SATB2: variants seen among roughly 807,000 people sequenced by gnomAD.
SATB2 encodes the protein DNA-binding protein SATB2.
SATB2 carries 1 observed loss-of-function variant against 73.4 expected under a neutral mutation model. The ratio of observed to expected loss-of-function variants is 0.01; its 90% confidence interval spans 0.00 to 0.06. SATB2 has a LOEUF of 0.06. Among genes scored for constraint, SATB2 ranks in the 10% least tolerant of loss-of-function variants. The pLI, the probability that SATB2 is intolerant of heterozygous loss-of-function variation, is 1.00. For missense variants in SATB2, 459 were observed against 945.8 expected (o/e 0.49, Z 6.75); for synonymous variants, 397 against 367.0 (o/e 1.08, Z -0.93).
intron 8 of SATB2, among the ~76,000 whole-genome samples, chr2:199,328,143 C>G (rs1284181323): frequency 6.6e-6 from 1 of 152,156 alleles, no homozygotes; most frequent in Non-Finnish European, 1.5e-5. Context: ...CCTCACCTAC[C>G]ACGTATGGAA....
chr2:199,362,570 T>G (rs1289287129), intron 6 of SATB2, among the ~76,000 whole-genome samples: 4 of 152,170 alleles, frequency 2.6e-5, no homozygotes, highest in African/African-American at 9.7e-5. Context: ...AATTATGGCC[T>G]GTAGCAGAAG....
At chr2:199,451,592 T>G (rs1362562758) in intron 2 of SATB2, among the ~76,000 whole-genome samples, 1 of 152,102 alleles carries the variant, frequency 6.6e-6, no homozygotes, top group Non-Finnish European at 1.5e-5. Context: ...TATTTCTAAG[T>G]ATTTTATAAT....
intron 3 of SATB2, among the ~76,000 whole-genome samples, chr2:199,411,368 C>G (rs1317642469): frequency 6.6e-6 from 1 of 152,132 alleles, no homozygotes; most frequent in African/African-American, 2.4e-5. Context: ...TATCTACCTT[C>G]AAACAAGAAG....
chr2:199,272,652 A>G lies in SATB2; in HGVS notation c.1761T>C (p.Ser587=), dbSNP rs752279524. 27 of 1,614,014 alleles carry G rather than the reference A, an allele frequency of 1.7e-5. No homozygotes were observed. Among genetic ancestry groups the G allele is most frequent in the Non-Finnish European group, 2.3e-5 (27 of 1,180,016 alleles). ...EPVQVLHRQQ[S]QPAKESSPPR... Reference sequence around the variant, plus strand: ...GAGGGGAACTCTCCTTGGCTGGCTGAGACTGCTGTCTATGAAGTACCTGAT... The same window carrying G: ...GAGGGGAACTCTCCTTGGCTGGCTGGGACTGCTGTCTATGAAGTACCTGAT... Residue 587 remains serine, a synonymous_variant, in exon 11 of 11, where the codon TCT becomes TCC. Transcript: ENST00000417098. This position sits in a 1 kb window ranked among gnomAD's most constrained non-coding sequence, Gnocchi z 6.7.
At chr2:199,313,236 A>T (rs1190661259) in intron 9 of SATB2, among the ~76,000 whole-genome samples, 2 of 152,192 alleles carry the variant, frequency 1.3e-5, no homozygotes, top group African/African-American at 2.4e-5. Flanking sequence ...GTTTGGCAAC[A>T]TTTTTGTGAG....
chr2:199,346,566 G>A (rs184056322), intron 7 of SATB2, among the ~76,000 whole-genome samples: 4 of 152,184 alleles, frequency 2.6e-5, no homozygotes, highest in Admixed American at 6.5e-5. Context: ...ACACACTTTC[G>A]AATAAAGAGA....
At chr2:199,402,740 C>T (rs1574594007) in intron 3 of SATB2, among the ~76,000 whole-genome samples, 2 of 152,156 alleles carry the variant, frequency 1.3e-5, no homozygotes, top group African/African-American at 2.4e-5. Context: ...ATACATTATA[C>T]ATTACTTACA....
At chr2:199,289,570 G>A (rs533153553) in intron 10 of SATB2, among the ~76,000 whole-genome samples, 1 of 152,290 alleles carries the variant, frequency 6.6e-6, no homozygotes, top group South Asian at 2.1e-4. Flanking sequence ...ACCCTGTGTA[G>A]GTCGTCTTCA....
At chr2:199,321,277 G>A (rs1263114179) in intron 9 of SATB2, among the ~76,000 whole-genome samples, 2 of 151,610 alleles carry the variant, frequency 1.3e-5, no homozygotes, top group Non-Finnish European at 2.9e-5. Context: ...TAAGGTGTAT[G>A]TATGTGTATG....
chr2:199,299,630 A>AT (rs1384171129), intron 10 of SATB2, among the ~76,000 whole-genome samples: 1 of 95,198 alleles, frequency 1.1e-5, no homozygotes, highest in Non-Finnish European at 3.0e-5. Flanking sequence ...TACATGTGAA[A>AT]TTTTGTTTTT....
At chr2:199,341,746 T>G (rs1326800182) in intron 7 of SATB2, among the ~76,000 whole-genome samples, 1 of 152,200 alleles carries the variant, frequency 6.6e-6, no homozygotes, top group African/African-American at 2.4e-5. Context: ...TAGGTTTTAC[T>G]CAAACTACTA....
upstream of SATB2, among the ~76,000 whole-genome samples, chr2:199,461,522 T>TA (rs751358455): frequency 2.8e-4 from 42 of 152,342 alleles, no homozygotes; most frequent in Middle Eastern, 0.014. Context: ...GTTTGATTTT[T>TA]AAAAATACTT....
intron 3 of SATB2, among the ~76,000 whole-genome samples, chr2:199,391,432 C>CAAAAAAAAAAA (rs56190034): frequency 1.0e-5 from 1 of 98,642 alleles, no homozygotes; most frequent in African/African-American, 4.0e-5. Context: ...GACTCCGTCT[C>CAAAAAAAAAAA]AAAAAAAAAA....
intron 4 of SATB2, among the ~76,000 whole-genome samples, 170 bp downstream of exon 4, chr2:199,381,524 T>C (rs891729947): frequency 6.6e-6 from 1 of 152,184 alleles, no homozygotes; most frequent in Admixed American, 6.5e-5. Flanking sequence ...TAAAGACACC[T>C]GGGGAAGGGC....
intron 10 of SATB2, among the ~76,000 whole-genome samples, chr2:199,288,173 C>T (rs1486341696): frequency 6.6e-6 from 1 of 152,080 alleles, no homozygotes; most frequent in African/African-American, 2.4e-5. Flanking sequence ...CCCAAATGTC[C>T]ATTTAGAGTG....
chr2:199,354,802 G>A (rs138634524), intron 6 of SATB2, among the ~76,000 whole-genome samples: 5 of 152,210 alleles, frequency 3.3e-5, no homozygotes, highest in Non-Finnish European at 7.4e-5. Flanking sequence ...AAACTTCTGG[G>A]ATTCCATTTA....
intron 10 of SATB2, among the ~76,000 whole-genome samples, chr2:199,301,301 G>T (rs1258004082): frequency 6.6e-6 from 1 of 152,034 alleles, no homozygotes; most frequent in Non-Finnish European, 1.5e-5. Flanking sequence ...AATCTCTCTT[G>T]ATAATGAAAG....
chr2:199,309,955 C>A (rs1049205997), intron 9 of SATB2, among the ~76,000 whole-genome samples: 1 of 152,154 alleles, frequency 6.6e-6, no homozygotes, highest in Non-Finnish European at 1.5e-5. Flanking sequence ...ATTATAAAAA[C>A]CCCATATAAT....
intron 9 of SATB2, among the ~76,000 whole-genome samples, chr2:199,318,506 C>T (rs538745166): frequency 2.0e-5 from 3 of 152,056 alleles, no homozygotes; most frequent in East Asian, 1.9e-4. Flanking sequence ...TACACAGTTA[C>T]GATATCAATT....
Sources: allele counts gnomAD v4.1 joint callset (sites outside exome capture counted in the v4.1 genomes callset), GRCh38; gene constraint gnomAD v4.1.1; non-coding constraint Gnocchi (gnomAD v3.1); transcripts MANE v1.5; gene names NCBI Gene and HGNC (gene_info 2026-07-23, HGNC 2026-07-21).